ANKS1B: variants seen among roughly 807,000 people sequenced by gnomAD.
ANKS1B encodes ankyrin repeat and sterile alpha motif domain-containing protein 1B.
ANKS1B carries 36 observed loss-of-function variants against 148.3 expected under a neutral mutation model. That is an observed-to-expected ratio of 0.24 (90% confidence interval 0.19 to 0.32). ANKS1B has a LOEUF of 0.32. Ranked by LOEUF, ANKS1B falls within the 10% of genes least tolerant of loss-of-function variation. ANKS1B has a pLI of 1.00. For missense variants in ANKS1B, 1,157 were observed against 1,542.6 expected (o/e 0.75, Z 4.19); for synonymous variants, 542 against 560.8 (o/e 0.97, Z 0.47).
intron 16 of ANKS1B, among the ~76,000 whole-genome samples, chr12:99,078,617 T>TA (rs1468453618): frequency 6.6e-6 from 1 of 152,096 alleles, no homozygotes; most frequent in African/African-American, 2.4e-5. Context: ...CCCAAGGAAA[T>TA]AAAGGGTGTT....
At chr12:99,603,474 T>C (rs2097823607) in intron 9 of ANKS1B, among the ~76,000 whole-genome samples, 2 of 152,094 alleles carry the variant, frequency 1.3e-5, no homozygotes, top group Non-Finnish European at 2.9e-5. Flanking sequence ...CTTTATTGGC[T>C]CCATAATGTC....
intron 17 of ANKS1B, among the ~76,000 whole-genome samples, chr12:98,976,920 C>G (rs1187582093): frequency 2.0e-5 from 3 of 152,078 alleles, no homozygotes; most frequent in African/African-American, 7.3e-5. Flanking sequence ...AGCTATTAGA[C>G]TAACTATTTT....
At chr12:98,780,925 C>T (rs1400112623) in intron 24 of ANKS1B, among the ~76,000 whole-genome samples, 192 bp downstream of exon 24, 1 of 149,090 alleles carries the variant, frequency 6.7e-6, no homozygotes, top group Non-Finnish European at 1.5e-5. Context: ...TGGTTCCTTT[C>T]TGTATGTATG....
At chr12:98,792,943 A>T (rs1333653813) in intron 22 of ANKS1B, among the ~76,000 whole-genome samples, 1 of 152,216 alleles carries the variant, frequency 6.6e-6, no homozygotes, top group Admixed American at 6.5e-5. Context: ...AGGTGCAGAT[A>T]TCAACATACT....
At chr12:99,904,944 C>A (rs2093727337) in intron 1 of ANKS1B, among the ~76,000 whole-genome samples, 1 of 152,150 alleles carries the variant, frequency 6.6e-6, no homozygotes, top group Non-Finnish European at 1.5e-5. Flanking sequence ...TAATTCCTAA[C>A]CCCTTAATGG....
chr12:99,883,620 G>GT (rs1470434311), intron 1 of ANKS1B, among the ~76,000 whole-genome samples: 2 of 150,224 alleles, frequency 1.3e-5, no homozygotes, highest in African/African-American at 4.9e-5. Context: ...TTGGGGCAGG[G>GT]GGGAATCTGC....
rs567339401 is a variant in ANKS1B, at chr12:99,318,095, T to C, written c.1757-71231A>G. Among the ~76,000 whole-genome samples, 8 of 152,170 alleles carry C rather than the reference T, an allele frequency of 5.3e-5. No homozygotes were observed. The East Asian group carries it at 1.4e-3, about 26-fold the overall frequency. Reference sequence around the variant, plus strand: ...TATTTTATTGAGGATTTTTACATCATTGTTCATCAGGAATATTGGTCTAAA... The same window carrying C: ...TATTTTATTGAGGATTTTTACATCACTGTTCATCAGGAATATTGGTCTAAA... On this transcript the variant is annotated intron_variant, in intron 12 of 26. Coordinates refer to ENST00000683438, the MANE Select transcript of ANKS1B (RefSeq NM_001352186.2).
intron 8 of ANKS1B, among the ~76,000 whole-genome samples, chr12:99,744,244 T>G (rs1567762141): frequency 6.6e-6 from 1 of 152,208 alleles, no homozygotes; most frequent in Non-Finnish European, 1.5e-5. Flanking sequence ...TACTAATAGA[T>G]TAATTTCTCC....
In ANKS1B at chr12:98,967,752, A is replaced by G. The variant is rs779113253; in HGVS notation, c.2778+85405T>C. Among the ~76,000 whole-genome samples the G allele has an allele frequency of 1.9e-3, 192 of 100,006 alleles. 1 individual carries two copies. Among genetic ancestry groups the G allele is most frequent in the Admixed American group, 2.9e-3 (29 of 9,942 alleles). 65.6% of individuals were successfully genotyped at this position (100,006 alleles called of 152,430 possible). ...GTAGATTTTGGAGACAGACAAATCT[A>G]AAAAAAAAAAAAAAAAAAAGAAATG... On this transcript the variant is annotated intron_variant, in intron 17 of 26. Coordinates refer to ENST00000683438, the MANE Select transcript of ANKS1B (RefSeq NM_001352186.2).
At position 98,803,658 on chromosome 12, in the gene ANKS1B, C is replaced by T. The variant is rs543534416; in HGVS notation, c.3142-2533G>A. Among the ~76,000 whole-genome samples, 5 of 152,168 alleles carry T rather than the reference C, an allele frequency of 3.3e-5. No individual in the cohort carries two copies. In the East Asian group the frequency reaches 7.7e-4, roughly 23 times the overall value. ...GGTAGTTTTCAAAAAAGTCTGAACA[C>T]GGCATGAGCTGGTGGTGCCATGAGT... On this transcript the variant is annotated intron_variant, in intron 20 of 26. Transcript: ENST00000683438.
chr12:99,729,607 C>T (rs985290487), intron 8 of ANKS1B, among the ~76,000 whole-genome samples: 3 of 152,098 alleles, frequency 2.0e-5, no homozygotes, highest in African/African-American at 7.2e-5. Context: ...ACAATGGCTA[C>T]TTTCTAGTCA....
intron 1 of ANKS1B, among the ~76,000 whole-genome samples, chr12:99,865,411 G>A (rs1039836958): frequency 2.0e-5 from 3 of 152,098 alleles, no homozygotes; most frequent in Non-Finnish European, 2.9e-5. Context: ...GGGTCGGTGG[G>A]AGGGGGAAAG....
chr12:99,937,609 C>T (rs7135959), intron 1 of ANKS1B, among the ~76,000 whole-genome samples: 91,508 of 151,912 alleles, frequency 0.6, 28,678 homozygotes, highest in Middle Eastern at 0.7. Context: ...GCTAGTCTTT[C>T]CTGACAACGT....
rs147331970 is a variant in ANKS1B at position 98,776,726 on chromosome 12, G to A, written c.3442-3547C>T. On this transcript the variant is annotated intron_variant, in intron 24 of 26. Transcript: ENST00000683438. ...TTTCTCTTGCATCTCCTCATCAGCC[G>A]GGCTTTTCCTGAGTGAGGAGACTGC... Among the ~76,000 whole-genome samples the A allele has an allele frequency of 5.8e-3, 881 of 152,306 alleles. 5 individuals are homozygous for A. Among genetic ancestry groups the A allele is most frequent in the African/African-American group, 0.02 (822 of 41,554 alleles).
At chr12:99,136,018 A>C (rs1020746060) in intron 15 of ANKS1B, among the ~76,000 whole-genome samples, 4 of 152,222 alleles carry the variant, frequency 2.6e-5, no homozygotes. Flanking sequence ...GGAGACTATG[A>C]AAATCTTAAG....
At chr12:99,144,740 A>C (rs2072361889) in intron 15 of ANKS1B, among the ~76,000 whole-genome samples, 1 of 152,006 alleles carries the variant, frequency 6.6e-6, no homozygotes, top group African/African-American at 2.4e-5. Context: ...AGTTAAAATG[A>C]GGTCATTAGG....
In ANKS1B at chr12:99,798,467, T is replaced by C. The variant is rs114590595; in HGVS notation, c.669+7937A>G. 9.0e-3 allele frequency among the ~76,000 whole-genome samples: 1,360 copies of C among 151,222 alleles called. 25 individuals carry two copies. The highest frequency in any genetic ancestry group is 0.031 in the African/African-American group (1,278 of 41,274). ...AACAAAAGATAACAACTCAACTTAG[T>C]GTTTGACAACAAACATATGATGTCT... On this transcript the variant is annotated intron_variant, in intron 4 of 26. Transcript: ENST00000683438.
intron 9 of ANKS1B, among the ~76,000 whole-genome samples, chr12:99,589,860 G>A (rs1221328892): frequency 6.6e-6 from 1 of 152,024 alleles, no homozygotes; most frequent in African/African-American, 2.4e-5. Context: ...AAATGCTTGA[G>A]GTGATAGACA....
At chr12:99,564,424 C>T (rs1180769988) in intron 9 of ANKS1B, among the ~76,000 whole-genome samples, 2 of 151,504 alleles carry the variant, frequency 1.3e-5, no homozygotes, top group Admixed American at 6.6e-5. Flanking sequence ...ATAAAATTAT[C>T]CCATTTTTTA....
Sources: allele counts gnomAD v4.1 joint callset (sites outside exome capture counted in the v4.1 genomes callset), GRCh38; gene constraint gnomAD v4.1.1; transcripts MANE v1.5; gene names NCBI Gene and HGNC (gene_info 2026-07-23, HGNC 2026-07-21).